The following RPS6KA2 variants were observed in gnomAD, a reference collection of about 807,000 sequenced individuals.
RPS6KA2 encodes the protein ribosomal protein S6 kinase A2.
RPS6KA2 carries 42 observed loss-of-function variants against 91.8 expected under a neutral mutation model. The ratio of observed to expected loss-of-function variants is 0.46; its 90% CI spans 0.36 to 0.59. The LOEUF is 0.59. RPS6KA2 is among the 20% of genes least tolerant of loss of function. The pLI is 0.00. For missense variants in RPS6KA2, 798 were observed against 978.5 expected (o/e 0.82, Z 2.46); for synonymous variants, 414 against 393.6 (o/e 1.05, Z -0.61).
At chr6:166,414,060 A>G in intron 19 of RPS6KA2, 129 bp from the exon 20 acceptor site, 1 of 724,706 alleles carries the variant, frequency 1.4e-6, no homozygotes, top group East Asian at 3.0e-5. Context: ...GGGTCTTTGC[A>G]TTTTGGGGTC....
chr6:166,610,951 TG>T (rs1235802576), intron 1 of RPS6KA2, among the ~76,000 whole-genome samples: 1 of 152,160 alleles, frequency 6.6e-6, no homozygotes, highest in Non-Finnish European at 1.5e-5. Context: ...GATTTTAGCC[TG>T]GGAGAGTATT....
chr6:166,632,762 G>C (rs1303553319), intron 2 of RPS6KA2, among the ~76,000 whole-genome samples: 2 of 152,212 alleles, frequency 1.3e-5, no homozygotes, highest in African/African-American at 2.4e-5. Context: ...AGACCAAGAA[G>C]GAACTTAACC....
intron 3 of RPS6KA2, among the ~76,000 whole-genome samples, chr6:166,527,491 T>C (rs1400203010): frequency 2.6e-5 from 4 of 152,302 alleles, no homozygotes; most frequent in East Asian, 1.9e-4. Context: ...GCCTCGAGGA[T>C]GAAAGAGTGG....
At chr6:166,731,832 G>C (rs1452444974) in intron 2 of RPS6KA2, among the ~76,000 whole-genome samples, 1 of 152,020 alleles carries the variant, frequency 6.6e-6, no homozygotes, top group Non-Finnish European at 1.5e-5. Flanking sequence ...CCTGTGTGGG[G>C]CGGTCCCATG....
chr6:166,496,964 G>A (rs1332046205), intron 8 of RPS6KA2, among the ~76,000 whole-genome samples: 1 of 152,202 alleles, frequency 6.6e-6, no homozygotes, highest in East Asian at 1.9e-4. Context: ...TATCCCCGCT[G>A]CCCTCACCCA....
chr6:166,627,918 C>A (rs1043822370), upstream of RPS6KA2: 2 of 152,244 alleles, frequency 1.3e-5, no homozygotes, highest in Non-Finnish European at 2.9e-5. Context: ...GGCCCTGCAG[C>A]TCGGCCAGGA....
intron 1 of RPS6KA2, among the ~76,000 whole-genome samples, chr6:166,556,003 C>G (rs866679649): frequency 6.6e-6 from 1 of 152,100 alleles, no homozygotes; most frequent in African/African-American, 2.4e-5. Flanking sequence ...GAGCTCAGGA[C>G]TGGAGTGAAA....
intron 2 of RPS6KA2, among the ~76,000 whole-genome samples, chr6:166,660,665 A>C (rs1284925051): frequency 6.6e-6 from 1 of 152,220 alleles, no homozygotes; most frequent in Non-Finnish European, 1.5e-5. Context: ...TTTGGGTTAC[A>C]TGAGAGTGTG....
At position 166,508,081 on chromosome 6, in the gene RPS6KA2, C is replaced by CCA. The variant is rs148154851; in HGVS notation, c.459+120_459+121dup. The CCA allele has an allele frequency of 2.2e-3, 1,350 of 623,538 alleles. 4 individuals carry two copies. The highest frequency in any genetic ancestry group is 2.5e-3 in the Non-Finnish European group (858 of 342,396). 38.6% of individuals were successfully genotyped at this position (623,538 alleles called of 1,614,324 possible). On this transcript the variant is annotated intron_variant, in intron 5 of 20. Transcript: ENST00000265678. The surrounding 1 kb of genome is among the most constrained non-coding windows in gnomAD (Gnocchi z 4.3). ...CACACACTCACACATGCACACACCC[C>CCA]CACACACACACACGCACTCTCGCAC...
chr6:166,511,104 TG>T (rs1782466406), intron 3 of RPS6KA2, among the ~76,000 whole-genome samples: 1 of 152,214 alleles, frequency 6.6e-6, no homozygotes. Context: ...AGGGGGTGCC[TG>T]CTGGGCTCAC....
intron 12 of RPS6KA2, among the ~76,000 whole-genome samples, chr6:166,455,492 C>T (rs1231000693): frequency 1.3e-5 from 2 of 152,178 alleles, no homozygotes; most frequent in Non-Finnish European, 2.9e-5. Context: ...AAAAAAGGGG[C>T]CTTCACAGTC....
At chr6:166,469,770 C>T in intron 11 of RPS6KA2, 71 bp downstream of exon 11, 2 of 1,376,420 alleles carry the variant, frequency 1.5e-6, no homozygotes, top group South Asian at 1.2e-5. Flanking sequence ...CCCTCTGCAC[C>T]AAGCCGTATG....
chr6:166,732,252 C>A lies in RPS6KA2; in HGVS notation c.123+125948G>T, dbSNP rs1790548951. Among the ~76,000 whole-genome samples the A allele has an allele frequency of 6.6e-6, 1 of 152,204 alleles. No homozygotes were observed. The highest frequency in any genetic ancestry group is 1.5e-5 in the Non-Finnish European group (1 of 68,036). On this transcript the variant is annotated intron_variant, in intron 2 of 21. Coordinates refer to the RPS6KA2 transcript ENST00000503859. The surrounding 1 kb of genome is among the most constrained non-coding windows in gnomAD (Gnocchi z 4.0). ...GTCTTCCCGCACTTCTGTATAGCTT[C>A]ATGATTCCCCCAAAATAGACTGATA...
chr6:166,434,306 C>T lies in RPS6KA2; in HGVS notation c.1333-1816G>A. 6.6e-6 allele frequency among the ~76,000 whole-genome samples: 1 copy of T among 152,202 alleles called. No homozygotes were observed. On this transcript the variant is annotated intron_variant, in intron 14 of 20. Coordinates refer to ENST00000265678, the MANE Select transcript of RPS6KA2 (RefSeq NM_021135.6). This position sits in a 1 kb window ranked among gnomAD's most constrained non-coding sequence, Gnocchi z 4.4. The stretch of plus-strand genomic sequence containing the variant: ...GTAAACAGGCAGAAGAGTTAGGGTC[C>T]CTTTCTGGACATAGAATTTCTCTCC...
chr6:166,831,887 A>T (rs1013680635), intron 2 of RPS6KA2, among the ~76,000 whole-genome samples: 12 of 118,318 alleles, frequency 1.0e-4, no homozygotes, highest in African/African-American at 2.9e-4. Context: ...GACAGATGAT[A>T]GATGGATAGA....
intron 10 of RPS6KA2, among the ~76,000 whole-genome samples, chr6:166,479,724 G>A (rs908531643): frequency 6.6e-5 from 10 of 152,204 alleles, no homozygotes; most frequent in African/African-American, 2.2e-4. Flanking sequence ...GCATGAATGA[G>A]GTGAAAGGAA....
rs1325377149 is a variant in RPS6KA2 at position 166,493,718 on chromosome 6, G to A, written c.748-2977C>T. On this transcript the variant is annotated intron_variant, in intron 8 of 20. Transcript: ENST00000265678. This position sits in a 1 kb window ranked among gnomAD's most constrained non-coding sequence, Gnocchi z 4.7. ...ACATAACGCAGTGCTTCTCAACTGGGGTCACCGTTGCCTGCCAGGGGACAT... is the reference window on the plus strand; with the variant it reads ...ACATAACGCAGTGCTTCTCAACTGGAGTCACCGTTGCCTGCCAGGGGACAT... Among the ~76,000 whole-genome samples the A allele has an allele frequency of 6.6e-6, 1 of 152,176 alleles. No individual in the cohort carries two copies. The highest frequency in any genetic ancestry group is 1.5e-5 in the Non-Finnish European group (1 of 68,030).
chr6:166,767,254 A>G lies in RPS6KA2; in HGVS notation c.123+90946T>C, dbSNP rs1778335393. ...CATGAGCAACGCCATCAAAAAGCAA[A>G]ATACAACTGCGACTACCGTCTCACA... On this transcript the variant is annotated intron_variant, in intron 2 of 21. Coordinates refer to the RPS6KA2 transcript ENST00000503859. The surrounding 1 kb of genome is among the most constrained non-coding windows in gnomAD (Gnocchi z 4.6). Among the ~76,000 whole-genome samples the G allele has an allele frequency of 6.6e-6, 1 of 152,174 alleles. No individual in the cohort carries two copies. Among genetic ancestry groups the G allele is most frequent in the African/African-American group, 2.4e-5 (1 of 41,420 alleles).
chr6:166,680,698 C>G (rs1027210584), intron 2 of RPS6KA2, among the ~76,000 whole-genome samples: 2 of 152,182 alleles, frequency 1.3e-5, no homozygotes, highest in Admixed American at 6.5e-5. Flanking sequence ...ACCATGAACC[C>G]ACCAGAAGGA....
Sources: gnomAD v4.1 joint callset for allele counts (sites outside exome capture counted in the v4.1 genomes callset) on GRCh38, gnomAD v4.1.1 for gene constraint, Gnocchi (gnomAD v3.1) non-coding constraint, MANE v1.5 for transcripts, NCBI Gene and HGNC (gene_info 2026-07-23, HGNC 2026-07-21) for gene names.